Variants in NAV2 observed in about 807,000 individuals in gnomAD.
NAV2 encodes the protein helicase, APC down-regulated 1.
NAV2 carries 54 observed loss-of-function variants against 223.2 expected under a neutral mutation model. The observed-to-expected ratio is 0.24, with a 90% CI of 0.19 to 0.30. The LOEUF (loss-of-function observed/expected upper bound fraction) is 0.30. Ranked by LOEUF, NAV2 falls within the 10% of genes least tolerant of loss-of-function variation. The pLI, the probability that NAV2 is intolerant of heterozygous loss-of-function variation, is 1.00. For missense variants in NAV2, 2,806 were observed against 3,147.5 expected, an observed-to-expected ratio of 0.89 and a Z score of 2.60; for synonymous variants, 1,279 against 1,239.3, an observed-to-expected ratio of 1.03 and a Z score of -0.67.
chr11:19,897,572 A>G (rs556975201), intron 6 of NAV2, among the ~76,000 whole-genome samples: 6 of 152,258 alleles, frequency 3.9e-5, no homozygotes, highest in African/African-American at 1.4e-4. Context: ...GTGATAGTAT[A>G]TAATACTTCT....
At chr11:19,466,050 T>A (rs1852337022) in intron 1 of NAV2, among the ~76,000 whole-genome samples, 1 of 152,114 alleles carries the variant, frequency 6.6e-6, no homozygotes, top group Non-Finnish European at 1.5e-5. Flanking sequence ...CAGCACAGAG[T>A]TCATTTAGTT....
chr11:19,632,131 A>G (rs1288215874), intron 1 of NAV2, among the ~76,000 whole-genome samples: 1 of 152,202 alleles, frequency 6.6e-6, no homozygotes, highest in East Asian at 1.9e-4. Context: ...CACACTAGGG[A>G]CAGCTGTATT....
chr11:19,778,078 T>C (rs999463491), intron 1 of NAV2: 3 of 421,678 alleles, frequency 7.1e-6, no homozygotes, highest in Admixed American at 5.1e-5. Flanking sequence ...AGGTACTTTT[T>C]CCCTCCTCCG....
chr11:19,677,303 G>A (rs2048743176), intron 1 of NAV2, among the ~76,000 whole-genome samples: 1 of 152,248 alleles, frequency 6.6e-6, no homozygotes, highest in South Asian at 2.1e-4. Context: ...AAGCATGACT[G>A]AATTTTGGCC....
intron 2 of NAV2, among the ~76,000 whole-genome samples, chr11:19,834,566 T>TC (rs2060134166): frequency 1.3e-5 from 2 of 151,852 alleles, no homozygotes; most frequent in African/African-American, 2.4e-5. Flanking sequence ...TTTTTTTTTT[T>TC]TCTTTGGTAG....
chr11:19,700,806 A>C (rs1256301703), intron 1 of NAV2, among the ~76,000 whole-genome samples: 1 of 152,244 alleles, frequency 6.6e-6, no homozygotes, highest in Non-Finnish European at 1.5e-5. Context: ...GTGGTTATGT[A>C]ATTACAATTT....
At chr11:19,705,852 T>TC (rs917317440) in intron 1 of NAV2, among the ~76,000 whole-genome samples, 2 of 152,212 alleles carry the variant, frequency 1.3e-5, no homozygotes, top group Non-Finnish European at 2.9e-5. Context: ...CTCTGGCTAC[T>TC]CCATTTTTTG....
rs114376323 is a variant in NAV2 at position 19,704,487 on chromosome 11, A to G, written c.76-127997A>G. Among the ~76,000 whole-genome samples, 539 of 152,350 alleles carry G rather than the reference A, an allele frequency of 3.5e-3. 2 individuals carry two copies. Among genetic ancestry groups the G allele is most frequent in the African/African-American group, 0.013 (521 of 41,578 alleles). ...CCTGCTCTTCTACTTAATTGGCAGT[A>G]GGATCTTAAGTAAGATACTCAAACC... is the stretch of plus-strand genomic sequence containing the variant. On this transcript the variant is annotated intron_variant, in intron 1 of 37. Transcript: ENST00000360655.
intron 1 of NAV2, among the ~76,000 whole-genome samples, chr11:19,532,021 T>A (rs1393055841): frequency 1.3e-5 from 2 of 151,816 alleles, no homozygotes; most frequent in East Asian, 1.9e-4. Flanking sequence ...AGAAAAAAAA[T>A]TAGGTTGGTG....
rs11455959 is a variant in NAV2 at position 19,509,862 on chromosome 11, G to GAA, written c.75+158844_75+158845dup. Among the ~76,000 whole-genome samples the GAA allele has an allele frequency of 2.4e-3, 362 of 150,946 alleles. 1 individual carries two copies. Among genetic ancestry groups the GAA allele is most frequent in the Middle Eastern group, 6.8e-3 (2 of 294 alleles). ...AAAACATCCAACTGGAAAGAAATAG[G>GAA]AAAAAAAAAATGTTATGAGCTGGGT... On this transcript the variant is annotated intron_variant, in intron 1 of 37. Coordinates refer to the NAV2 transcript ENST00000360655.
chr11:19,475,754 TAA>T (rs2042094923), intron 1 of NAV2, among the ~76,000 whole-genome samples: 1 of 152,124 alleles, frequency 6.6e-6, no homozygotes, highest in African/African-American at 2.4e-5. Flanking sequence ...GACGTGCAGA[TAA>T]AAGTCAGCCT....
At chr11:19,813,956 T>C (rs1318827202) in intron 1 of NAV2, among the ~76,000 whole-genome samples, 3 of 152,212 alleles carry the variant, frequency 2.0e-5, no homozygotes, top group Non-Finnish European at 2.9e-5. Flanking sequence ...TTATTTTCTA[T>C]GCAGAGCAGA....
At chr11:19,803,122 G>C (rs2058362006) in intron 1 of NAV2, among the ~76,000 whole-genome samples, 1 of 152,130 alleles carries the variant, frequency 6.6e-6, no homozygotes, top group African/African-American at 2.4e-5. Flanking sequence ...GTGGGAGGAG[G>C]CTGCCAAGGT....
At chr11:20,056,379 A>C in intron 19 of NAV2, 2 of 643,206 alleles carry the variant, frequency 3.1e-6, no homozygotes, top group Non-Finnish European at 5.5e-6. Flanking sequence ...CCGGGCAGCC[A>C]CGCCTTTCTG....
Position 19,640,264 on chromosome 11 carries a change from C to T in NAV2, c.76-192220C>T, listed in dbSNP as rs114983697. Among the ~76,000 whole-genome samples the T allele has an allele frequency of 8.9e-3, 1,351 of 152,176 alleles. 21 individuals are homozygous for T. The highest frequency in any genetic ancestry group is 0.03 in the African/African-American group (1,251 of 41,510). ...GGTTGTTTTGGCCAACAGATTTGGA[C>T]GATATACTGGTCAACCAAGTTGATG... On this transcript the variant is annotated intron_variant, in intron 1 of 37. Transcript: ENST00000360655.
intron 11 of NAV2, chr11:20,027,323 C>A (rs1012236018): frequency 7.1e-6 from 7 of 985,466 alleles, no homozygotes; most frequent in East Asian, 1.1e-4. Flanking sequence ...TTCACGGGAA[C>A]AATTGCCTTG....
intron 1 of NAV2, among the ~76,000 whole-genome samples, chr11:19,485,716 GATCT>G (rs747461546): frequency 1.4e-5 from 2 of 142,602 alleles, no homozygotes; most frequent in African/African-American, 2.5e-5. Flanking sequence ...TATATGGGAG[GATCT>G]ATTAAGGATT....
intron 1 of NAV2, among the ~76,000 whole-genome samples, chr11:19,477,108 AT>A (rs1190235512): frequency 1.3e-5 from 2 of 152,138 alleles, no homozygotes. Context: ...AAGCGAAATG[AT>A]TTTTTTGGAT....
chr11:19,804,723 G>A (rs1458249313), intron 1 of NAV2, among the ~76,000 whole-genome samples: 2 of 152,134 alleles, frequency 1.3e-5, no homozygotes, highest in Admixed American at 6.6e-5. Flanking sequence ...ACTTACAAGG[G>A]GATATGGAGA....
Sources: gnomAD v4.1 joint callset for allele counts (sites outside exome capture counted in the v4.1 genomes callset) on GRCh38, gnomAD v4.1.1 for gene constraint, MANE v1.5 for transcripts, NCBI Gene and HGNC (gene_info 2026-07-23, HGNC 2026-07-21) for gene names.